Variants in CDH13 observed in about 807,000 individuals in gnomAD.
CDH13 encodes cadherin 13, also known as cadherin-13.
CDH13 carries 24 observed loss-of-function variants against 63.8 expected under a neutral mutation model. The ratio of observed to expected loss-of-function variants is 0.38; its 90% CI spans 0.27 to 0.53. The LOEUF (loss-of-function observed/expected upper bound fraction) is 0.53, where lower values mean the gene tolerates loss of function less well. Ranked by LOEUF, CDH13 falls within the 20% of genes least tolerant of loss-of-function variation. The pLI is 0.85. For missense variants in CDH13, 1,049 were observed against 903.1 expected, an observed-to-expected ratio of 1.16 and a Z score of -2.07; for synonymous variants, 503 against 355.3, an observed-to-expected ratio of 1.42 and a Z score of -4.67.
At chr16:82,662,837 C>T (rs1380402735) in intron 1 of CDH13, among the ~76,000 whole-genome samples, 1 of 152,128 alleles carries the variant, frequency 6.6e-6, no homozygotes, top group Non-Finnish European at 1.5e-5. Context: ...AGATGTCCTC[C>T]AGGCCAGTGT....
At chr16:83,512,208 C>G (rs1052088329) in intron 7 of CDH13, among the ~76,000 whole-genome samples, 4 of 151,650 alleles carry the variant, frequency 2.6e-5, no homozygotes, top group Middle Eastern at 3.4e-3. Context: ...GTAGTCCCAG[C>G]TACTCGGGAG....
At chr16:83,048,454 T>A (rs1917997959) in intron 3 of CDH13, among the ~76,000 whole-genome samples, 1 of 152,310 alleles carries the variant, frequency 6.6e-6, no homozygotes, top group Non-Finnish European at 1.5e-5. Flanking sequence ...CCCTTATTGC[T>A]ACCCTGTAAT....
At chr16:83,155,589 A>G (rs1346988805) in intron 4 of CDH13, among the ~76,000 whole-genome samples, 1 of 152,034 alleles carries the variant, frequency 6.6e-6, no homozygotes, top group East Asian at 1.9e-4. Flanking sequence ...AAACAAGTTA[A>G]ATGTGCATGT....
chr16:82,975,951 CT>C (rs529959370), intron 2 of CDH13, among the ~76,000 whole-genome samples: 189 of 152,110 alleles, frequency 1.2e-3, no homozygotes, highest in Admixed American at 3.7e-3. Context: ...CTTTCCAGGA[CT>C]AAATAATGCA....
chr16:83,272,966 G>A (rs8182199), intron 5 of CDH13, among the ~76,000 whole-genome samples: 8,143 of 152,050 alleles, frequency 0.054, 294 homozygotes, highest in East Asian at 0.15. Context: ...CAGTGAGCTC[G>A]GTAAGCACAA....
In CDH13 at chr16:82,918,935, T is replaced by C. The variant is rs371054365; in HGVS notation, c.157+60462T>C. On this transcript the variant is annotated intron_variant, in intron 2 of 13. Transcript: ENST00000567109. ...ATACCTGTTTGATAAAACTATGCAT[T>C]TTTATCAACCAAATTTTTAAAAATT... Among the ~76,000 whole-genome samples, 4 of 152,328 alleles carry C rather than the reference T, an allele frequency of 2.6e-5. No homozygotes were observed. The East Asian group carries it at 5.8e-4, about 22-fold the overall frequency.
chr16:83,482,200 A>T (rs926028535), intron 6 of CDH13, among the ~76,000 whole-genome samples: 5 of 152,202 alleles, frequency 3.3e-5, no homozygotes, highest in African/African-American at 1.2e-4. Context: ...CACTACAGTG[A>T]ATGGCAAGAA....
intron 1 of CDH13, among the ~76,000 whole-genome samples, chr16:82,679,763 C>T (rs79099906): frequency 0.052 from 7,896 of 152,296 alleles, 461 homozygotes; most frequent in East Asian, 0.22. Flanking sequence ...ATGTGTTCAT[C>T]TGTTACCTGT....
chr16:82,828,542 G>C (rs1260527574), intron 1 of CDH13, among the ~76,000 whole-genome samples: 6 of 152,062 alleles, frequency 3.9e-5, no homozygotes, highest in African/African-American at 1.4e-4. Flanking sequence ...CATGAGAATT[G>C]CTTGATCCCG....
At chr16:82,772,287 C>T (rs1354949468) in intron 1 of CDH13, among the ~76,000 whole-genome samples, 1 of 152,126 alleles carries the variant, frequency 6.6e-6, no homozygotes, top group African/African-American at 2.4e-5. Flanking sequence ...ACCGGAGCTG[C>T]TGGCCTTTGG....
chr16:83,231,204 C>A (rs1372142533), intron 5 of CDH13, among the ~76,000 whole-genome samples: 1 of 152,202 alleles, frequency 6.6e-6, no homozygotes, highest in Admixed American at 6.5e-5. Flanking sequence ...TCACTTCCCT[C>A]TTCTCTATGA....
At chr16:83,516,921 C>A (rs925621937) in intron 7 of CDH13, among the ~76,000 whole-genome samples, 10 of 152,062 alleles carry the variant, frequency 6.6e-5, no homozygotes, top group African/African-American at 2.4e-4. Flanking sequence ...AATTGTTAGC[C>A]AGGAAAGGAG....
intron 4 of CDH13, among the ~76,000 whole-genome samples, chr16:83,187,938 C>A (rs1229695109): frequency 1.3e-5 from 2 of 152,070 alleles, no homozygotes; most frequent in African/African-American, 2.4e-5. Context: ...TATCTGGGGG[C>A]TGAGCATCCT....
intron 2 of CDH13, among the ~76,000 whole-genome samples, chr16:82,996,367 G>T (rs1912205113): frequency 6.6e-6 from 1 of 152,168 alleles, no homozygotes. Context: ...CTACAGAAAT[G>T]TCAGCTCTGA....
At chr16:83,296,627 GTA>G (rs1491146022) in intron 5 of CDH13, among the ~76,000 whole-genome samples, 1 of 152,026 alleles carries the variant, frequency 6.6e-6, no homozygotes, top group African/African-American at 2.4e-5. Flanking sequence ...TACAACACAA[GTA>G]CACACACACA....
chr16:83,285,823 T>G (rs2089296943), intron 5 of CDH13, among the ~76,000 whole-genome samples: 1 of 152,114 alleles, frequency 6.6e-6, no homozygotes, highest in South Asian at 2.1e-4. Context: ...ATTAATCATA[T>G]TTGTATTAAA....
intron 4 of CDH13, among the ~76,000 whole-genome samples, chr16:83,132,685 C>T (rs73604219): frequency 0.012 from 1,865 of 152,142 alleles, 46 homozygotes; most frequent in African/African-American, 0.043. Context: ...GCCTCGGCCT[C>T]CCAAAGGGTG....
chr16:82,928,164 ATGTGTGTG>A (rs5818417), intron 2 of CDH13, among the ~76,000 whole-genome samples: 33,586 of 150,950 alleles, frequency 0.22, 4,140 homozygotes, highest in Middle Eastern at 0.3. Flanking sequence ...GCAGTCGTGT[ATGTGTGTG>A]TGTGTGTGTG....
intron 2 of CDH13, among the ~76,000 whole-genome samples, chr16:82,982,822 C>T (rs1478181776): frequency 6.6e-6 from 1 of 152,132 alleles, no homozygotes; most frequent in Admixed American, 6.5e-5. Flanking sequence ...CTCCATTTCC[C>T]AGTATTTATT....
Sources: gnomAD v4.1 joint callset for allele counts (sites outside exome capture counted in the v4.1 genomes callset) on GRCh38, gnomAD v4.1.1 for gene constraint, MANE v1.5 for transcripts, NCBI Gene and HGNC (gene_info 2026-07-23, HGNC 2026-07-21) for gene names.